FAM110C: variants seen among roughly 807,000 people sequenced by gnomAD.
FAM110C encodes protein FAM110C.
FAM110C carries 19 observed loss-of-function variants against 15.7 expected under a neutral mutation model. That is an observed-to-expected ratio of 1.21 (90% CI 0.85 to 1.78). FAM110C has a LOEUF of 1.78. Ranked by LOEUF, FAM110C falls within the 40% of genes most tolerant of loss-of-function variation. The probability of loss-of-function intolerance (pLI) is 0.00; values close to 1 mark genes in which losing one functional copy is unlikely to be tolerated. For synonymous variants in FAM110C, 275 were observed against 233.9 expected, an observed-to-expected ratio of 1.18 and a Z score of -1.61; for missense variants, 547 against 495.7, an observed-to-expected ratio of 1.10 and a Z score of -0.98.
chr2:43,348 A>G (rs1252450719), intron 1 of FAM110C: 7 of 985,296 alleles, frequency 7.1e-6, no homozygotes, highest in Non-Finnish European at 8.4e-6. Flanking sequence ...CATTGTCTCC[A>G]GTCTGGAACA....
At chr2:43,234 T>A (rs1553273833) in intron 1 of FAM110C, 1 of 985,314 alleles carries the variant, frequency 1.0e-6, no homozygotes, top group Non-Finnish European at 1.2e-6. Flanking sequence ...AGAAAATCTT[T>A]ATAGTGCTGG....
chr2:45,564 C>T lies in FAM110C; in HGVS notation c.822G>A (p.Glu274=), dbSNP rs374246797. 1.7e-5 allele frequency: 27 copies of T among 1,613,848 alleles called. No individual in the cohort carries two copies. The African/African-American group carries it at 2.9e-4, about 18-fold the overall frequency. ...SGGDDEGLQE[E]ELIEQVPSTT... is the part of the protein sequence containing the mutation. ...TGCTGGGCACCTGCTCTATCAGCTC[C>T]TCCTCCTGCAGCCCCTCGTCGTCGC... is the stretch of plus-strand genomic sequence containing the variant. Residue 274 remains glutamate, a synonymous_variant, in exon 1 of 2, where the codon GAG becomes GAA. Coordinates refer to ENST00000327669, the MANE Select transcript of FAM110C (RefSeq NM_001077710.3).
At position 45,942 on chromosome 2, in the gene FAM110C, G is replaced by A. The variant is rs769473639; in HGVS notation, c.444C>T (p.Asn148=). 7.7e-6 allele frequency: 11 copies of A among 1,425,228 alleles called. No individual in the cohort carries two copies. The highest frequency in any genetic ancestry group is 1.0e-5 in the Non-Finnish European group (11 of 1,099,000). The allele number at this position is 1,425,228 out of a possible 1,614,324, so 88.3% of individuals were successfully genotyped here. A position where few individuals can be genotyped will look rare whatever the true frequency, so the allele number is the denominator to read the frequency against. Residue 148 remains asparagine, a synonymous_variant, in exon 1 of 2, where the codon AAC becomes AAT. Coordinates refer to ENST00000327669, the MANE Select transcript of FAM110C (RefSeq NM_001077710.3). Reference sequence around the variant, plus strand: ...CAGGAGTGGTCGGGACCGTCTCCGGGTTCCCGGCCTTGCCCTCGTCTCCCG... The same window carrying A: ...CAGGAGTGGTCGGGACCGTCTCCGGATTCCCGGCCTTGCCCTCGTCTCCCG... ...PRTGDEGKAG[N]PETVPTTPGP... is the part of the protein sequence containing the mutation.
At position 44,601 on chromosome 2, in the gene FAM110C, T is replaced by C. The variant is rs188661610; in HGVS notation, c.946+839A>G. ...CCCTGAAAAGGTTCTTTCTCTTCAC[T>C]ACTTTCCAAGACGCCCATAGGGAAG... On this transcript the variant is annotated intron_variant, in intron 1 of 1. Coordinates refer to ENST00000327669, the MANE Select transcript of FAM110C (RefSeq NM_001077710.3). 20 of 985,442 alleles carry C rather than the reference T, an allele frequency of 2.0e-5. No homozygotes were observed. The African/African-American group carries it at 2.8e-4, about 14-fold the overall frequency. 61.0% of individuals were successfully genotyped at this position (985,442 alleles called of 1,614,324 possible).
At chr2:43,865 C>A (rs1339913118) in intron 1 of FAM110C, 1 of 985,280 alleles carries the variant, frequency 1.0e-6, no homozygotes, top group African/African-American at 1.7e-5. Context: ...GGGTTTCAGT[C>A]ATGCAACACA....
In FAM110C at chr2:45,579, C is replaced by G. The variant is rs751069017; in HGVS notation, c.807G>C (p.Glu269Asp). 1 of 1,613,176 alleles carries G rather than the reference C, an allele frequency of 6.2e-7. No homozygotes were observed. The highest frequency in any genetic ancestry group is 1.1e-5 in the South Asian group (1 of 91,080). The stretch of plus-strand genomic sequence containing the variant: ...CTATCAGCTCCTCCTCCTGCAGCCC[C>G]TCGTCGTCGCCGCCGCTGTGCCGGG... ...GFSRHSGGDD[E>D]GLQEEELIEQ... is the part of the protein sequence containing the mutation. The change falls in exon 1 of 2, where the codon GAG becomes GAC. Residue 269 changes from glutamate to aspartate, a missense_variant. Glu to Asp is a conservative substitution (Grantham distance 45). Transcript: ENST00000327669.
Position 41,641 on chromosome 2 carries a change from G to C in FAM110C, c.947-14C>G. 6.2e-7 allele frequency: 1 copy of C among 1,612,332 alleles called. No homozygotes were observed. The highest frequency in any genetic ancestry group is 8.5e-7 in the Non-Finnish European group (1 of 1,179,344). ...AAGGTTTGCTTCCTGAGGAGTTAAA[G>C]AAAAAATAGTGAATCAACTCCAGTC... On this transcript the variant is annotated splice_polypyrimidine_tract_variant and intron_variant, in intron 1 of 1. Transcript: ENST00000327669.
chr2:45,396 C>T, intron 1 of FAM110C, 44 bp downstream of exon 1: 1 of 1,563,630 alleles, frequency 6.4e-7, no homozygotes, highest in Non-Finnish European at 8.7e-7. Flanking sequence ...AGATTCACAG[C>T]CCCGCACACG....
At position 45,915 on chromosome 2, in the gene FAM110C, G is replaced by T. The variant is rs1199928307; in HGVS notation, c.471C>A (p.Gly157=). Residue 157 remains glycine (G), a synonymous_variant, in exon 1 of 2, where the codon GGC becomes GGA. Coordinates refer to ENST00000327669, the MANE Select transcript of FAM110C (RefSeq NM_001077710.3). The stretch of plus-strand genomic sequence containing the variant: ...CGGGGATTGCGGGGTCCGCCGCGGG[G>T]CCAGGAGTGGTCGGGACCGTCTCCG... ...GNPETVPTTP[G]PAADPAIPET... is the part of the protein sequence containing the mutation. The T allele has an allele frequency of 8.4e-6, 12 of 1,423,502 alleles. No homozygotes were observed. Among genetic ancestry groups the T allele is most frequent in the Non-Finnish European group, 9.1e-6 (10 of 1,103,090 alleles). The allele number at this position is 1,423,502 out of a possible 1,614,324, so 88.2% of individuals were successfully genotyped here. A position where few individuals can be genotyped will look rare whatever the true frequency, so the allele number is the denominator to read the frequency against.
chr2:45,975 C>A lies in FAM110C; in HGVS notation c.411G>T (p.Val137=), dbSNP rs1161057348. The A allele has an allele frequency of 2.1e-6, 3 of 1,456,634 alleles. No individual in the cohort carries two copies. The highest frequency in any genetic ancestry group is 3.0e-5 in the African/African-American group (2 of 67,580). The allele number at this position is 1,456,634 out of a possible 1,614,324, so 90.2% of individuals were successfully genotyped here. The change falls in exon 1 of 2, where the codon GTG becomes GTT. Residue 137 remains valine, a synonymous_variant. Transcript: ENST00000327669. The part of the protein sequence containing the change: ...FQGPGKDKAP[V]PRTGDEGKAG... ...CCTTGCCCTCGTCTCCCGTCCGGGG[C>A]ACCGGCGCCTTGTCCTTACCCGGCC... is the stretch of plus-strand genomic sequence containing the variant.
At chr2:45,366 C>T in intron 1 of FAM110C, 74 bp downstream of exon 1, 1 of 1,516,252 alleles carries the variant, frequency 6.6e-7, no homozygotes, top group Admixed American at 2.2e-5. Context: ...GGCCATCGCC[C>T]AGCTCGGTCA....
rs1198888524 is a variant in FAM110C, at chr2:39,459, T to C, written c.*2149A>G. The C allele has an allele frequency of 6.6e-6, 1 of 152,120 alleles. No individual in the cohort carries two copies. Among genetic ancestry groups the C allele is most frequent in the Non-Finnish European group, 1.5e-5 (1 of 68,024 alleles). 9.4% of individuals were successfully genotyped at this position (152,120 alleles called of 1,614,324 possible). A position where few individuals can be genotyped will look rare whatever the true frequency, so the allele number is the denominator to read the frequency against. On this transcript the variant is annotated 3_prime_UTR_variant, in exon 2 of 2. Coordinates refer to ENST00000327669, the MANE Select transcript of FAM110C (RefSeq NM_001077710.3). Reference sequence around the variant, plus strand: ...ACTCACCTCTTACACATACTCAAGATATGGAGCTGTGGCATGAATCTGAAT... The same window carrying C: ...ACTCACCTCTTACACATACTCAAGACATGGAGCTGTGGCATGAATCTGAAT...
At chr2:42,453 C>T (rs1664151699) in intron 1 of FAM110C, 1 of 345,590 alleles carries the variant, frequency 2.9e-6, no homozygotes, top group Non-Finnish European at 4.1e-6. Context: ...TAAATTTTGA[C>T]AAGTCCCTAG....
Position 46,174 on chromosome 2 carries a change from G to A in FAM110C, c.212C>T (p.Pro71Leu), listed in dbSNP as rs1378716617. The A allele has an allele frequency of 7.2e-7, 1 of 1,395,034 alleles. No homozygotes were observed. Among genetic ancestry groups the A allele is most frequent in the Admixed American group, 3.4e-5 (1 of 29,190 alleles). 86.4% of individuals were successfully genotyped at this position (1,395,034 alleles called of 1,614,324 possible). A position where few individuals can be genotyped will look rare whatever the true frequency, so the allele number is the denominator to read the frequency against. Reference protein sequence around the residue: ...EGSGPGAIKCPGNDPGPPARA... With the variant: ...EGSGPGAIKCLGNDPGPPARA... ...GGCCGGGGGCCCAGGGTCGTTCCCC[G>A]GGCACTTGATCGCCCCCGGGCCGCT... The change falls in exon 1 of 2, where the codon CCG becomes CTG. Residue 71 changes from proline to leucine, a missense_variant. Transcript: ENST00000327669.
At chr2:42,980 C>T (rs538385119) in intron 1 of FAM110C, 2 of 985,428 alleles carry the variant, frequency 2.0e-6, no homozygotes, top group East Asian at 2.3e-4. Context: ...CCCCACTGAC[C>T]AGGTGTTCAC....
intron 1 of FAM110C, chr2:41,853 C>A (rs1664133457): frequency 4.1e-6 from 4 of 985,274 alleles, no homozygotes; most frequent in African/African-American, 1.7e-5. Context: ...CATCTCCCTG[C>A]AGGCCTTTTT....
rs564693166 is a variant in FAM110C at position 45,579 on chromosome 2, C to CTCG, written c.804_806dup (p.Asp268dup). 53 of 1,613,176 alleles carry CTCG rather than the reference C, an allele frequency of 3.3e-5. No individual in the cohort carries two copies. The East Asian group carries it at 1.1e-3, about 34-fold the overall frequency. On this transcript the variant is annotated inframe_insertion, in exon 1 of 2. Transcript: ENST00000327669. Reference sequence around the variant, plus strand: ...CTATCAGCTCCTCCTCCTGCAGCCCCTCGTCGTCGCCGCCGCTGTGCCGGG... The same window carrying CTCG: ...CTATCAGCTCCTCCTCCTGCAGCCCCTCGTCGTCGTCGCCGCCGCTGTGCCGGG...
At chr2:44,914 C>T in intron 1 of FAM110C, 1 of 985,402 alleles carries the variant, frequency 1.0e-6, no homozygotes, top group Non-Finnish European at 1.2e-6. Flanking sequence ...CACTTCAGCA[C>T]AGGCCTCCAG....
intron 1 of FAM110C, chr2:44,520 G>T (rs986868153): frequency 2.0e-6 from 2 of 985,226 alleles, no homozygotes; most frequent in African/African-American, 3.5e-5. Context: ...TGTCATTGAA[G>T]GGTAAGAGGA....
Sources: gnomAD v4.1 joint callset for allele counts on GRCh38, gnomAD v4.1.1 for gene constraint, MANE v1.5 for transcripts, NCBI Gene and HGNC (gene_info 2026-07-23, HGNC 2026-07-21) for gene names.